Variants in NBEAL1 observed in about 807,000 individuals in gnomAD.
The protein encoded by NBEAL1 is neurobeachin like 1, also known as neurobeachin-like protein 1.
A neutral mutation model predicts 351.3 loss-of-function variants in NBEAL1; 273 were observed. That is an observed-to-expected ratio of 0.78 (90% CI 0.70 to 0.86). The LOEUF (loss-of-function observed/expected upper bound fraction) is 0.86. Ranked by LOEUF, NBEAL1 falls within the 40% of genes least tolerant of loss-of-function variation. The pLI, the probability that NBEAL1 is intolerant of heterozygous loss-of-function variation, is 0.00. For missense variants in NBEAL1, 2,961 were observed against 3,201.3 expected (o/e 0.92, Z 1.81); for synonymous variants, 1,050 against 1,086.4 (o/e 0.97, Z 0.66).
intron 5 of NBEAL1, 66 bp from the exon 6 acceptor site, chr2:203,057,260 A>G (rs1046722932): frequency 3.5e-6 from 5 of 1,412,128 alleles, no homozygotes; most frequent in East Asian, 2.5e-5. Context: ...TTGTTTGAAT[A>G]CAAATGACTT....
chr2:203,135,746 A>G lies in NBEAL1; in HGVS notation c.3883A>G (p.Thr1295Ala). The change falls in exon 28 of 56, where the codon ACC (threonine) becomes GCC (alanine). Residue 1295 changes from threonine to alanine, a missense_variant. Thr to Ala is a moderately conservative substitution (Grantham distance 58). Coordinates refer to ENST00000683969, the MANE Select transcript of NBEAL1 (RefSeq NM_001378026.1). ...QISQQVGWQD[T>A]LVRLFLKAKF... ...ATCACAGCAAGTGGGTTGGCAAGACACCTTAGTTAGGCTTTTTTTAAAAGC... is the reference window on the plus strand; with the variant it reads ...ATCACAGCAAGTGGGTTGGCAAGACGCCTTAGTTAGGCTTTTTTTAAAAGC... 1.3e-6 allele frequency: 2 copies of G among 1,584,088 alleles called. No individual in the cohort carries two copies. Among genetic ancestry groups the G allele is most frequent in the Non-Finnish European group, 1.7e-6 (2 of 1,163,826 alleles).
chr2:203,119,424 C>CTTTTTTTTGTTTTTTTTTTT (rs2062776919), intron 18 of NBEAL1, among the ~76,000 whole-genome samples: 1 of 66,654 alleles, frequency 1.5e-5, no homozygotes, highest in Non-Finnish European at 2.6e-5. Flanking sequence ...CGGCCTGTTG[C>CTTTTTTTTGTTTTTTTTTTT]TTTTTTTTTT....
At position 203,058,881 on chromosome 2, in the gene NBEAL1, A is replaced by G. The variant is rs2061450077; in HGVS notation, c.515+1428A>G. On this transcript the variant is annotated intron_variant, in intron 6 of 55. Transcript: ENST00000683969. The stretch of plus-strand genomic sequence containing the variant: ...AGCTGAATTACCAGTACAGAACTCA[A>G]AGAGAAGAATTTTAAAGTCACATAT... Among the ~76,000 whole-genome samples, 6 of 152,234 alleles carry G rather than the reference A, an allele frequency of 3.9e-5. No homozygotes were observed. The South Asian group carries it at 6.2e-4, about 16-fold the overall frequency.
chr2:203,199,387 A>G lies in NBEAL1; in HGVS notation c.7178A>G (p.Tyr2393Cys), dbSNP rs374901093. The change falls in exon 49 of 56, where the codon TAT (tyrosine) becomes TGT (cysteine). Residue 2393 changes from tyrosine to cysteine, a missense_variant. By Grantham distance (194) the Tyr-to-Cys change is radical. Transcript: ENST00000683969. Reference sequence around the variant, plus strand: ...ATTGGAACCCATGGATGGTTGCCTTATGACAGAAACATTTCTAATTACTTT... The same window carrying G: ...ATTGGAACCCATGGATGGTTGCCTTGTGACAGAAACATTTCTAATTACTTT... ...YVIGTHGWLP[Y>C]DRNISNYFTF... 9 of 1,609,218 alleles carry G rather than the reference A, an allele frequency of 5.6e-6. No homozygotes were observed. The highest frequency in any genetic ancestry group is 3.3e-5 in the Admixed American group (2 of 59,888).
chr2:203,208,567 C>T (rs2065676504), intron 51 of NBEAL1, 70 bp from the exon 52 acceptor site: 3 of 1,022,042 alleles, frequency 2.9e-6, no homozygotes, highest in South Asian at 2.7e-5. Context: ...GGTTTAAATG[C>T]AATATAAACC....
chr2:203,185,553 A>G lies in NBEAL1; in HGVS notation c.6705+2165A>G, dbSNP rs187112645. ...CAATAAAAAGAAAGTATAGCCATTT[A>G]ATCATCATCTCCCACAGTTCAGTGG... On this transcript the variant is annotated intron_variant, in intron 44 of 55. Coordinates refer to ENST00000683969, the MANE Select transcript of NBEAL1 (RefSeq NM_001378026.1). Among the ~76,000 whole-genome samples, 29 of 152,294 alleles carry G rather than the reference A, an allele frequency of 1.9e-4. No homozygotes were observed. The East Asian group carries it at 5.6e-3, about 29-fold the overall frequency.
chr2:203,194,216 A>G (rs1311971260), intron 47 of NBEAL1, among the ~76,000 whole-genome samples: 2 of 152,162 alleles, frequency 1.3e-5, no homozygotes, highest in African/African-American at 4.8e-5. Context: ...GTAGATGGAG[A>G]TAATAATTTA....
chr2:203,126,962 T>C, intron 23 of NBEAL1, 36 bp downstream of exon 23: 1 of 1,382,528 alleles, frequency 7.2e-7, no homozygotes, highest in Non-Finnish European at 1.0e-6. Flanking sequence ...TTTGATATAT[T>C]ATTTTCTGTC....
intron 51 of NBEAL1, 74 bp from the exon 52 acceptor site, chr2:203,208,563 A>G: frequency 5.1e-6 from 5 of 985,922 alleles, no homozygotes; most frequent in Non-Finnish European, 7.9e-6. Flanking sequence ...AGAAGGTTTA[A>G]ATGCAATATA....
At chr2:203,078,230 T>C (rs902398186) in intron 8 of NBEAL1, among the ~76,000 whole-genome samples, 1 of 152,232 alleles carries the variant, frequency 6.6e-6, no homozygotes, top group African/African-American at 2.4e-5. Context: ...AAATGTATTT[T>C]TGTAAGTGTA....
intron 7 of NBEAL1, among the ~76,000 whole-genome samples, chr2:203,075,916 T>G (rs2061763308): frequency 2.0e-5 from 3 of 152,254 alleles, no homozygotes; most frequent in African/African-American, 7.2e-5. Flanking sequence ...TAGGTGGAAC[T>G]TCTTAATTTT....
intron 10 of NBEAL1, among the ~76,000 whole-genome samples, chr2:203,091,227 C>CATAT: frequency 6.6e-6 from 1 of 152,144 alleles, no homozygotes; most frequent in Non-Finnish European, 1.5e-5. Flanking sequence ...AAGGTGGAAT[C>CATAT]ATATAGTATT....
intron 2 of NBEAL1, among the ~76,000 whole-genome samples, chr2:203,036,281 G>A (rs1377770076): frequency 1.3e-5 from 2 of 149,046 alleles, no homozygotes; most frequent in Non-Finnish European, 3.0e-5. Flanking sequence ...TGATCTAAGC[G>A]TTTTTATAGA....
rs1054834194 is a variant in NBEAL1, at chr2:203,220,209, A to C, written c.*2855A>C. ...TCTTACAAAGTCTGTTACCTGGCCA[A>C]TTGTGGTGGCTCACGCCTATAATCC... is the stretch of plus-strand genomic sequence containing the variant. On this transcript the variant is annotated 3_prime_UTR_variant, in exon 56 of 56. Transcript: ENST00000683969. 6.6e-6 allele frequency among the ~76,000 whole-genome samples: 1 copy of C among 152,084 alleles called. No homozygotes were observed. The highest frequency in any genetic ancestry group is 1.5e-5 in the Non-Finnish European group (1 of 67,988).
chr2:203,107,854 A>T lies in NBEAL1; in HGVS notation c.1615A>T (p.Asn539Tyr), dbSNP rs2062470833. The change falls in exon 14 of 56, where the codon AAC becomes TAC. Residue 539 changes from asparagine to tyrosine, a missense_variant. Physicochemically the swap from Asn to Tyr is moderately radical, Grantham distance 143. Coordinates refer to ENST00000683969, the MANE Select transcript of NBEAL1 (RefSeq NM_001378026.1). ...TTCCCTCCATCAAACTTGTGCTGAG[A>T]ACTTGATTGCAATCCATGGTTCCTT... Reference protein sequence around the residue: ...HSSLHQTCAENLIAIHGSLGS... With the variant: ...HSSLHQTCAEYLIAIHGSLGS... 1 of 1,554,372 alleles carries T rather than the reference A, an allele frequency of 6.4e-7. No homozygotes were observed. The highest frequency in any genetic ancestry group is 1.4e-5 in the African/African-American group (1 of 73,580).
intron 7 of NBEAL1, among the ~76,000 whole-genome samples, chr2:203,072,485 TTTC>T (rs1327092446): frequency 6.6e-6 from 1 of 152,102 alleles, no homozygotes; most frequent in Non-Finnish European, 1.5e-5. Context: ...TGCTTAACAG[TTTC>T]TTCTTTAGTT....
chr2:203,197,439 C>A (rs750273082), intron 48 of NBEAL1, 48 bp downstream of exon 48: 2 of 1,209,530 alleles, frequency 1.7e-6, no homozygotes, highest in Admixed American at 1.9e-5. Context: ...ATATTCATTA[C>A]AACTTAGAAA....
At chr2:203,214,020 A>G (rs1027055950) in intron 55 of NBEAL1, among the ~76,000 whole-genome samples, 3 of 152,154 alleles carry the variant, frequency 2.0e-5, no homozygotes, top group Non-Finnish European at 4.4e-5. Flanking sequence ...CATCATAACT[A>G]TTTGTCAGTT....
rs2065960215 is a variant in NBEAL1, at chr2:203,222,132, A to G, written c.*4778A>G. Among the ~76,000 whole-genome samples, 1 of 152,220 alleles carries G rather than the reference A, an allele frequency of 6.6e-6. No individual in the cohort carries two copies. Among genetic ancestry groups the G allele is most frequent in the African/African-American group, 2.4e-5 (1 of 41,460 alleles). On this transcript the variant is annotated 3_prime_UTR_variant, in exon 56 of 56. Coordinates refer to ENST00000683969, the MANE Select transcript of NBEAL1 (RefSeq NM_001378026.1). ...GAGCCTAGAGATCAAGGCTGCAGTA[A>G]GCTGTGATTGCACCACTGCACTTCA... is the stretch of plus-strand genomic sequence containing the variant.
Sources: allele counts gnomAD v4.1 joint callset (sites outside exome capture counted in the v4.1 genomes callset), GRCh38; gene constraint gnomAD v4.1.1; transcripts MANE v1.5; gene names NCBI Gene and HGNC (gene_info 2026-07-23, HGNC 2026-07-21).